CDKN2B-AS1: variants seen among roughly 807,000 people sequenced by gnomAD.
The protein encoded by CDKN2B-AS1 is CDKN2B antisense RNA 1 (non-protein coding).
At chr9:22,091,277 T>C (rs1825074232) in intron 4 of CDKN2B-AS1, among the ~76,000 whole-genome samples, 2 of 152,312 alleles carry the variant, frequency 1.3e-5, no homozygotes, top group Admixed American at 1.3e-4. Context: ...TCCAGCTTTG[T>C]TCTTTTGGCT....
chr9:22,043,828 A>G (rs1279933400), intron 1 of CDKN2B-AS1, among the ~76,000 whole-genome samples: 2 of 151,992 alleles, frequency 1.3e-5, no homozygotes, highest in African/African-American at 2.4e-5. Context: ...TGTTACTACT[A>G]AATTATTTTT....
intron 4 of CDKN2B-AS1, chr9:22,092,511 G>A (rs1825127129): frequency 6.6e-6 from 1 of 152,100 alleles, no homozygotes; most frequent in South Asian, 2.1e-4. Context: ...GCCTGTTATT[G>A]CTTTATTCAG....
chr9:22,012,535 AT>A, intron 1 of CDKN2B-AS1: 3 of 611,092 alleles, frequency 4.9e-6, no homozygotes, highest in Non-Finnish European at 9.4e-6. Context: ...AGAAGGTCAA[AT>A]AAGGCTCTTC....
chr9:22,127,228 C>A (rs916076769), exon 5 of CDKN2B-AS1, among the ~76,000 whole-genome samples: 1 of 152,098 alleles, frequency 6.6e-6, no homozygotes, highest in Non-Finnish European at 1.5e-5. Context: ...ATTGCAGGCA[C>A]CTGCCACCAC....
At chr9:22,008,793 G>C (rs1199339082) in intron 1 of CDKN2B-AS1, 2 of 1,606,682 alleles carry the variant, frequency 1.2e-6, no homozygotes, top group Non-Finnish European at 1.7e-6. Flanking sequence ...TGGGGCCCCA[G>C]CTACCTGGAT....
At chr9:22,103,131 A>ATGTGTGTG (rs3221506) in intron 4 of CDKN2B-AS1, among the ~76,000 whole-genome samples, 9,124 of 132,274 alleles carry the variant, frequency 0.069, 343 homozygotes, top group Admixed American at 0.092. Flanking sequence ...TCTAGAACAG[A>ATGTGTGTG]TGTGTGTGTG....
In CDKN2B-AS1 at chr9:22,005,753, T is replaced by C; in HGVS notation, n.29+10592T>C. ...ACACACTCCTAAATATCCCTGGAAATCCGCTTCTCTGTGTTTCGCTTCATG... is the reference window on the plus strand; with the variant it reads ...ACACACTCCTAAATATCCCTGGAAACCCGCTTCTCTGTGTTTCGCTTCATG... On this transcript the variant is annotated intron_variant and non_coding_transcript_variant, in intron 1 of 4. Coordinates refer to ENST00000650946, the Ensembl canonical transcript of CDKN2B-AS1. This position sits in a 1 kb window ranked among gnomAD's most constrained non-coding sequence, Gnocchi z 4.9. The C allele has an allele frequency of 1.6e-6, 1 of 610,962 alleles. No individual in the cohort carries two copies. The highest frequency in any genetic ancestry group is 2.9e-6 in the Non-Finnish European group (1 of 346,408). The allele number at this position is 610,962 out of a possible 1,614,324, so 37.8% of individuals were successfully genotyped here.
rs192756265 is a variant in CDKN2B-AS1, at chr9:22,006,765, T to A, written n.29+11604T>A. 4.8e-4 allele frequency among the ~76,000 whole-genome samples: 73 copies of A among 152,192 alleles called. No individual in the cohort carries two copies. Among genetic ancestry groups the A allele is most frequent in the African/African-American group, 8.9e-4 (37 of 41,550 alleles). The stretch of plus-strand genomic sequence containing the variant: ...TAAGTTTTTTTCTTTCTTTTTTTTT[T>A]AATTTATTTAGTTCTCATAGCAAAT... On this transcript the variant is annotated intron_variant and non_coding_transcript_variant, in intron 1 of 4. Transcript: ENST00000650946. This position sits in a 1 kb window ranked among gnomAD's most constrained non-coding sequence, Gnocchi z 6.4.
chr9:22,009,177 A>T (rs1038198068), intron 1 of CDKN2B-AS1: 8 of 651,732 alleles, frequency 1.2e-5, no homozygotes, highest in Non-Finnish European at 2.1e-5. Context: ...CTCAAGAACC[A>T]GCGGGCGCGC....
intron 1 of CDKN2B-AS1, chr9:22,009,220 G>A (rs1821366529): frequency 3.4e-6 from 2 of 587,302 alleles, no homozygotes; most frequent in Admixed American, 3.1e-5. Flanking sequence ...CGCCTAGCGC[G>A]GACGCAGCCG....
chr9:22,091,621 CTCTG>C (rs1441996474), intron 4 of CDKN2B-AS1, among the ~76,000 whole-genome samples: 4 of 151,792 alleles, frequency 2.6e-5, no homozygotes, highest in South Asian at 2.1e-4. Context: ...TGATTTGGCT[CTCTG>C]TCTGTTATTG....
At chr9:22,113,975 A>G (rs187803186) in intron 4 of CDKN2B-AS1, among the ~76,000 whole-genome samples, 2 of 152,210 alleles carry the variant, frequency 1.3e-5, no homozygotes, top group African/African-American at 4.8e-5. Flanking sequence ...AAATTCTCTT[A>G]AAAAGACTCT....
intron 4 of CDKN2B-AS1, among the ~76,000 whole-genome samples, chr9:22,079,369 T>C (rs1420565642): frequency 6.6e-6 from 1 of 152,122 alleles, no homozygotes; most frequent in Non-Finnish European, 1.5e-5. Context: ...GTGCCTGTAG[T>C]TCCGGCTACT....
At chr9:22,063,794 G>A (rs1240233165) in intron 4 of CDKN2B-AS1, 1 of 152,394 alleles carries the variant, frequency 6.6e-6, no homozygotes, top group Non-Finnish European at 1.5e-5. Context: ...AAAGAGTTTG[G>A]AGAGCAGACG....
At chr9:22,106,376 C>G (rs1390599947) in intron 4 of CDKN2B-AS1, among the ~76,000 whole-genome samples, 1 of 152,080 alleles carries the variant, frequency 6.6e-6, no homozygotes, top group African/African-American at 2.4e-5. Flanking sequence ...CCACTGTGCC[C>G]GGCCTAATTT....
At chr9:22,057,827 A>C (rs1347029577) in intron 4 of CDKN2B-AS1, among the ~76,000 whole-genome samples, 2 of 151,658 alleles carry the variant, frequency 1.3e-5, no homozygotes, top group Non-Finnish European at 2.9e-5. Context: ...AAAGCAACCC[A>C]GTGATAGGCT....
intron 4 of CDKN2B-AS1, among the ~76,000 whole-genome samples, chr9:22,061,094 A>T (rs1040276325): frequency 6.6e-6 from 1 of 152,198 alleles, no homozygotes; most frequent in African/African-American, 2.4e-5. Context: ...GAAGTGAAGC[A>T]CATTTCTTTT....
chr9:21,998,250 T>C (rs1318878812), intron 1 of CDKN2B-AS1, among the ~76,000 whole-genome samples: 1 of 152,230 alleles, frequency 6.6e-6, no homozygotes, highest in Non-Finnish European at 1.5e-5. Flanking sequence ...GTATTCCAAA[T>C]ACTTTTGGAA....
intron 4 of CDKN2B-AS1, among the ~76,000 whole-genome samples, chr9:22,126,665 G>C (rs555929989): frequency 1.2e-4 from 17 of 136,316 alleles, no homozygotes; most frequent in Admixed American, 1.0e-3. Context: ...CTCCGCCTCC[G>C]GAGTTCACGC....
Sources: gnomAD v4.1 joint callset for allele counts (sites outside exome capture counted in the v4.1 genomes callset) on GRCh38, gnomAD v4.1.1 for gene constraint, Gnocchi (gnomAD v3.1) non-coding constraint, MANE v1.5 for transcripts, NCBI Gene and HGNC (gene_info 2026-07-23, HGNC 2026-07-21) for gene names.